Variants in TPH2 observed in about 807,000 individuals in gnomAD.
TPH2 encodes tryptophan 5-hydroxylase 2.
TPH2 carries 27 observed loss-of-function variants against 59.1 expected under a neutral mutation model. The observed-to-expected ratio is 0.46, with a 90% confidence interval of 0.34 to 0.63. The LOEUF (loss-of-function observed/expected upper bound fraction) is 0.63, where lower values mean the gene tolerates loss of function less well. Ranked by LOEUF, TPH2 falls within the 30% of genes least tolerant of loss-of-function variation. The pLI is 0.01. For missense variants in TPH2, 523 were observed against 588.3 expected, an observed-to-expected ratio of 0.89 and a Z score of 1.15; for synonymous variants, 220 against 210.5, an observed-to-expected ratio of 1.05 and a Z score of -0.39.
At chr12:71,944,804 C>A in intron 4 of TPH2, 118 bp downstream of exon 4, 1 of 987,386 alleles carries the variant, frequency 1.0e-6, no homozygotes, top group Non-Finnish European at 1.6e-6. Context: ...TATTTATTCC[C>A]CATAACTGAG....
intron 5 of TPH2, among the ~76,000 whole-genome samples, chr12:71,967,371 A>T (rs1323894427): frequency 6.6e-6 from 1 of 152,214 alleles, no homozygotes; most frequent in African/African-American, 2.4e-5. Flanking sequence ...TCTGAGTAAC[A>T]TAATCCACCA....
chr12:71,949,569 A>T lies in TPH2; in HGVS notation c.541-19A>T, dbSNP rs1393210512. On this transcript the variant is annotated intron_variant, in intron 4 of 10. Transcript: ENST00000333850. The stretch of plus-strand genomic sequence containing the variant: ...TTTTCAGCACTTTGTTAAATAACTT[A>T]ATCTTTTTTGTGTTTAAGGGATTTA... 1 of 1,607,800 alleles carries T rather than the reference A, an allele frequency of 6.2e-7. No individual in the cohort carries two copies. Among genetic ancestry groups the T allele is most frequent in the South Asian group, 1.1e-5 (1 of 90,904 alleles).
chr12:71,960,170 G>T (rs1871638791), intron 5 of TPH2, among the ~76,000 whole-genome samples: 1 of 152,202 alleles, frequency 6.6e-6, no homozygotes, highest in Non-Finnish European at 1.5e-5. Flanking sequence ...TAGTACTGGG[G>T]TCATTTCCCA....
chr12:71,951,391 G>C (rs1348526167), intron 5 of TPH2, among the ~76,000 whole-genome samples: 2 of 152,158 alleles, frequency 1.3e-5, no homozygotes, highest in Admixed American at 6.5e-5. Context: ...GCCAGAACAT[G>C]GTAGAAGCTC....
chr12:72,012,604 T>C (rs1354539914), intron 8 of TPH2, among the ~76,000 whole-genome samples: 1 of 152,162 alleles, frequency 6.6e-6, no homozygotes, highest in Non-Finnish European at 1.5e-5. Context: ...AATGAGACCA[T>C]GAAGGTTTGT....
At chr12:71,964,689 T>G in intron 5 of TPH2, 1 of 985,364 alleles carries the variant, frequency 1.0e-6, no homozygotes, top group South Asian at 4.7e-5. Context: ...AATTACTGAT[T>G]GAAATTTCTA....
intron 5 of TPH2, chr12:71,962,792 C>T (rs1332585867): frequency 1.6e-6 from 1 of 629,114 alleles, no homozygotes; most frequent in Non-Finnish European, 2.0e-6. Context: ...GATCTCAGCT[C>T]ACTGCAACCT....
At chr12:72,014,752 A>G (rs1249190481) in intron 8 of TPH2, among the ~76,000 whole-genome samples, 1 of 152,130 alleles carries the variant, frequency 6.6e-6, no homozygotes, top group African/African-American at 2.4e-5. Flanking sequence ...GTAGTTGTTG[A>G]TGCCTTAGTG....
At chr12:72,003,180 C>T (rs1182457143) in intron 8 of TPH2, among the ~76,000 whole-genome samples, 1 of 152,084 alleles carries the variant, frequency 6.6e-6, no homozygotes, top group Non-Finnish European at 1.5e-5. Context: ...ACATGGATGA[C>T]ATTAAAAATG....
intron 8 of TPH2, among the ~76,000 whole-genome samples, 186 bp downstream of exon 8, chr12:71,994,751 T>C (rs1052009241): frequency 6.6e-6 from 1 of 152,196 alleles, no homozygotes; most frequent in Non-Finnish European, 1.5e-5. Context: ...CCAAAACATT[T>C]GTATTTTATC....
At chr12:71,980,335 G>A (rs920061614) in intron 7 of TPH2, among the ~76,000 whole-genome samples, 8 of 152,084 alleles carry the variant, frequency 5.3e-5, no homozygotes, top group Non-Finnish European at 1.0e-4. Flanking sequence ...TGGTTAATGG[G>A]TTGCCATGGT....
chr12:71,966,170 G>T (rs944996141), intron 5 of TPH2, among the ~76,000 whole-genome samples: 1 of 151,950 alleles, frequency 6.6e-6, no homozygotes, highest in African/African-American at 2.4e-5. Flanking sequence ...TGCAACAAAG[G>T]CATCTGAAAA....
chr12:72,022,519 C>A, intron 9 of TPH2, 25 bp downstream of exon 9: 1 of 1,515,350 alleles, frequency 6.6e-7, no homozygotes, highest in Non-Finnish European at 9.2e-7. Context: ...ATGAAAATAC[C>A]CTTCCCATGC....
At chr12:72,009,783 T>G (rs1421342741) in intron 8 of TPH2, among the ~76,000 whole-genome samples, 1 of 152,212 alleles carries the variant, frequency 6.6e-6, no homozygotes, top group East Asian at 1.9e-4. Context: ...GACCCCTGTC[T>G]TTTCTGGCAC....
chr12:71,990,658 A>G (rs1872560588), intron 7 of TPH2, among the ~76,000 whole-genome samples: 1 of 152,246 alleles, frequency 6.6e-6, no homozygotes, highest in African/African-American at 2.4e-5. Flanking sequence ...AGAGAACAAT[A>G]TGGTGTTTAT....
At chr12:71,944,101 TATAA>T (rs2139178608) in intron 2 of TPH2, among the ~76,000 whole-genome samples, 189 bp from the exon 3 acceptor site, 1 of 152,254 alleles carries the variant, frequency 6.6e-6, no homozygotes, top group East Asian at 1.9e-4. Flanking sequence ...TACACAGAAG[TATAA>T]ATATATAGAT....
Position 72,031,559 on chromosome 12 carries a change from A to C in TPH2, c.1337A>C (p.Tyr446Ser). 1 of 1,613,618 alleles carries C rather than the reference A, an allele frequency of 6.2e-7. No individual in the cohort carries two copies. The highest frequency in any genetic ancestry group is 8.5e-7 in the Non-Finnish European group (1 of 1,179,660). Reference protein sequence around the residue: ...AKSITRPFSVYFNPYTQSIEI... With the variant: ...AKSITRPFSVSFNPYTQSIEI... Reference sequence around the variant, plus strand: ...TCAATTACCCGTCCCTTCTCAGTATACTTCAATCCCTACACACAGAGTATT... The same window carrying C: ...TCAATTACCCGTCCCTTCTCAGTATCCTTCAATCCCTACACACAGAGTATT... The change falls in exon 11 of 11, where the codon TAC (tyrosine) becomes TCC (serine). Residue 446 changes from tyrosine (Y) to serine (S), a missense_variant. Physicochemically the swap from Tyr to Ser is moderately radical, Grantham distance 144. Coordinates refer to ENST00000333850, the MANE Select transcript of TPH2 (RefSeq NM_173353.4).
intron 8 of TPH2, among the ~76,000 whole-genome samples, chr12:72,009,211 G>A (rs1873035217): frequency 6.6e-6 from 1 of 152,082 alleles, no homozygotes; most frequent in South Asian, 2.1e-4. Flanking sequence ...TCACCTGCCT[G>A]TCCTGCCTCT....
At chr12:71,942,166 C>T (rs1162461975) in intron 2 of TPH2, among the ~76,000 whole-genome samples, 2 of 152,190 alleles carry the variant, frequency 1.3e-5, no homozygotes, top group South Asian at 2.1e-4. Context: ...ACACGGTATT[C>T]CCCTAAGTCT....
Sources: allele counts gnomAD v4.1 joint callset (sites outside exome capture counted in the v4.1 genomes callset), GRCh38; gene constraint gnomAD v4.1.1; transcripts MANE v1.5; gene names NCBI Gene and HGNC (gene_info 2026-07-23, HGNC 2026-07-21).